Variants in CEP350 observed in about 807,000 individuals in gnomAD.
The protein encoded by CEP350 is centrosome-associated protein 350.
A neutral mutation model predicts 331.8 loss-of-function variants in CEP350; 126 were observed. That is an observed-to-expected ratio of 0.38 (90% CI 0.33 to 0.44). CEP350 has a LOEUF of 0.44. CEP350 is among the 20% of genes least tolerant of loss of function. The pLI is 1.00. For synonymous variants in CEP350, 1,200 were observed against 1,259.5 expected, an observed-to-expected ratio of 0.95 and a Z score of 1.00; for missense variants, 3,406 against 3,634.6, an observed-to-expected ratio of 0.94 and a Z score of 1.62.
At chr1:180,101,574 G>A (rs1660817067) in intron 37 of CEP350, among the ~76,000 whole-genome samples, 2 of 152,146 alleles carry the variant, frequency 1.3e-5, no homozygotes, top group South Asian at 2.1e-4. Flanking sequence ...CCAAGCAGTG[G>A]ACACCAGCTG....
intron 6 of CEP350, among the ~76,000 whole-genome samples, chr1:180,001,993 T>G (rs533194240): frequency 6.6e-6 from 1 of 152,386 alleles, no homozygotes; most frequent in African/African-American, 2.4e-5. Flanking sequence ...TATACATTCC[T>G]CTTTTAAAAG....
rs149801617 is a variant in CEP350 at position 180,078,568 on chromosome 1, C to T, written c.5873C>T (p.Ser1958Phe). 5.9e-5 allele frequency: 95 copies of T among 1,613,418 alleles called. No homozygotes were observed. The highest frequency in any genetic ancestry group is 5.2e-4 in the Admixed American group (31 of 59,948). The change falls in exon 29 of 38, where the codon TCC becomes TTC. Residue 1958 changes from serine to phenylalanine, a missense_variant. Ser to Phe is a radical substitution (Grantham distance 155, BLOSUM62 -2). Coordinates refer to ENST00000367607, the MANE Select transcript of CEP350 (RefSeq NM_014810.5). ...LGSPAVEYVPSESIGQEQPGS... is the reference protein window; with the variant it reads ...LGSPAVEYVPFESIGQEQPGS... ...AGCCCTGCTGTTGAATATGTACCAT[C>T]CGAGTCTATAGGACAGGAGCAGCCA...
At chr1:180,109,606 T>C (rs1188277790) in intron 37 of CEP350, among the ~76,000 whole-genome samples, 1 of 152,044 alleles carries the variant, frequency 6.6e-6, no homozygotes, top group Non-Finnish European at 1.5e-5. Context: ...ACAATGTCAT[T>C]TTGTATAGCA....
chr1:180,088,851 CTAT>C (rs1037256090), intron 32 of CEP350, among the ~76,000 whole-genome samples: 3 of 151,914 alleles, frequency 2.0e-5, no homozygotes, highest in African/African-American at 7.2e-5. Flanking sequence ...TTAGCTGCTG[CTAT>C]TATTATTATT....
intron 6 of CEP350, chr1:180,000,892 G>C (rs1410520376): frequency 2.0e-5 from 3 of 152,180 alleles, no homozygotes; most frequent in African/African-American, 4.8e-5. Context: ...TGAACACTAT[G>C]TTTATAAATT....
At chr1:180,027,864 G>A (rs1387569150) in intron 14 of CEP350, among the ~76,000 whole-genome samples, 1 of 152,042 alleles carries the variant, frequency 6.6e-6, no homozygotes, top group African/African-American at 2.4e-5. Flanking sequence ...AGATAATGGG[G>A]CAAATAATAT....
At chr1:180,060,373 G>A (rs531355145) in intron 25 of CEP350, among the ~76,000 whole-genome samples, 2 of 152,212 alleles carry the variant, frequency 1.3e-5, no homozygotes, top group Non-Finnish European at 2.9e-5. Flanking sequence ...TATGGGGTGG[G>A]CACAGTGGCT....
At chr1:180,005,030 T>A (rs933285136) in intron 7 of CEP350, among the ~76,000 whole-genome samples, 2 of 151,286 alleles carry the variant, frequency 1.3e-5, no homozygotes, top group Non-Finnish European at 2.9e-5. Flanking sequence ...TTTCTTTCAT[T>A]TTCTCTCTCT....
At chr1:179,974,903 A>T (rs929931420) in intron 1 of CEP350, among the ~76,000 whole-genome samples, 1 of 152,158 alleles carries the variant, frequency 6.6e-6, no homozygotes, top group Admixed American at 6.6e-5. Flanking sequence ...AGGCAGGTGG[A>T]TCGCTTGAGC....
chr1:179,956,169 T>C (rs561474454), intron 1 of CEP350, among the ~76,000 whole-genome samples: 6 of 152,264 alleles, frequency 3.9e-5, no homozygotes, highest in Admixed American at 1.3e-4. Context: ...ATGCTGGAAG[T>C]TGCTTCAAAG....
At chr1:179,991,264 A>G (rs953978149) in intron 4 of CEP350, among the ~76,000 whole-genome samples, 1 of 138,912 alleles carries the variant, frequency 7.2e-6, no homozygotes, top group African/African-American at 2.7e-5. Flanking sequence ...TACAATGCAA[A>G]TTTTTCTTGG....
At chr1:180,073,275 G>C (rs149465256) in intron 27 of CEP350, among the ~76,000 whole-genome samples, 1 of 152,134 alleles carries the variant, frequency 6.6e-6, no homozygotes, top group Non-Finnish European at 1.5e-5. Context: ...AGGTATTTTT[G>C]TGTAAATCAG....
intron 37 of CEP350, among the ~76,000 whole-genome samples, chr1:180,108,579 A>T (rs574059085): frequency 6.6e-6 from 1 of 152,190 alleles, no homozygotes; most frequent in Non-Finnish European, 1.5e-5. Context: ...TAACAAATTC[A>T]TTGGGGATGT....
intron 5 of CEP350, among the ~76,000 whole-genome samples, chr1:179,992,825 G>A (rs1382314540): frequency 1.3e-5 from 2 of 152,026 alleles, no homozygotes; most frequent in Non-Finnish European, 2.9e-5. Flanking sequence ...TTGTATTTGA[G>A]GGACACTTTA....
intron 14 of CEP350, among the ~76,000 whole-genome samples, chr1:180,027,082 G>A (rs898244026): frequency 1.3e-5 from 2 of 152,082 alleles, no homozygotes; most frequent in African/African-American, 4.8e-5. Flanking sequence ...CAATGCACAG[G>A]GTTCTATTTT....
intron 3 of CEP350, among the ~76,000 whole-genome samples, chr1:179,989,154 G>T (rs1317948145): frequency 2.0e-5 from 3 of 151,960 alleles, no homozygotes; most frequent in Admixed American, 6.6e-5. Context: ...ACATTGGGAT[G>T]CAAAAATCTG....
At chr1:180,089,285 GGATT>G (rs1242059406) in intron 32 of CEP350, among the ~76,000 whole-genome samples, 1 of 152,082 alleles carries the variant, frequency 6.6e-6, no homozygotes, top group Non-Finnish European at 1.5e-5. Flanking sequence ...GGATAGTGAA[GGATT>G]AAAAAGTAGA....
intron 22 of CEP350, among the ~76,000 whole-genome samples, chr1:180,052,746 A>G (rs1420520005): frequency 6.6e-6 from 1 of 152,106 alleles, no homozygotes; most frequent in Non-Finnish European, 1.5e-5. Flanking sequence ...ATTTTTTGCA[A>G]CATTAATCTT....
chr1:180,073,715 T>TA (rs759470355), intron 27 of CEP350: 6 of 1,216,838 alleles, frequency 4.9e-6, no homozygotes, highest in African/African-American at 1.6e-5. Context: ...ACTCAGCTCT[T>TA]ACGCTTTCCC....
Sources: allele counts gnomAD v4.1 joint callset (sites outside exome capture counted in the v4.1 genomes callset), GRCh38; gene constraint gnomAD v4.1.1; transcripts MANE v1.5; gene names NCBI Gene and HGNC (gene_info 2026-07-23, HGNC 2026-07-21).